RABL6: variants seen among roughly 807,000 people sequenced by gnomAD.
RABL6 encodes rab-like protein 6.
RABL6 carries 28 observed loss-of-function variants against 72.9 expected under a neutral mutation model. The observed-to-expected ratio is 0.38, with a 90% confidence interval of 0.28 to 0.53. The LOEUF (loss-of-function observed/expected upper bound fraction) is 0.53. Among genes scored for constraint, RABL6 ranks in the 20% least tolerant of loss-of-function variants. The pLI is 0.80. For missense variants in RABL6, 1,029 were observed against 1,008.4 expected, an observed-to-expected ratio of 1.02 and a Z score of -0.28; for synonymous variants, 477 against 421.2, an observed-to-expected ratio of 1.13 and a Z score of -1.62.
In RABL6 at chr9:136,840,948, G is replaced by A. The variant is rs527314270; in HGVS notation, c.*426G>A. 122 of 1,460,054 alleles carry A rather than the reference G, an allele frequency of 8.4e-5. No individual in the cohort carries two copies. The highest frequency in any genetic ancestry group is 3.6e-4 in the African/African-American group (25 of 70,130). 90.4% of individuals were successfully genotyped at this position (1,460,054 alleles called of 1,614,324 possible). On this transcript the variant is annotated 3_prime_UTR_variant, in exon 15 of 15. Coordinates refer to ENST00000311502, the MANE Select transcript of RABL6 (RefSeq NM_024718.5). ...GGGGCCGCAGCATGCCTATGGTTCC[G>A]CTTCCGGCCGGGAGCCCTGAACACG... is the stretch of plus-strand genomic sequence containing the variant.
At chr9:136,817,604 C>T (rs1185718709) in intron 1 of RABL6, among the ~76,000 whole-genome samples, 1 of 151,630 alleles carries the variant, frequency 6.6e-6, no homozygotes, top group Non-Finnish European at 1.5e-5. Flanking sequence ...GAGGGGAGGC[C>T]GACGTGGGCT....
chr9:136,836,143 C>G (rs1360129580), intron 8 of RABL6: 5 of 325,878 alleles, frequency 1.5e-5, no homozygotes, highest in South Asian at 1.1e-4. Context: ...GCCTGCCCAT[C>G]AGGGGCTTGG....
At position 136,807,967 on chromosome 9, in the gene RABL6, T is replaced by C; in HGVS notation, c.-230T>C. 2 of 1,002,488 alleles carry C rather than the reference T, an allele frequency of 2.0e-6. No homozygotes were observed. The highest frequency in any genetic ancestry group is 2.4e-6 in the Non-Finnish European group (2 of 843,062). 62.1% of individuals were successfully genotyped at this position (1,002,488 alleles called of 1,614,324 possible). On this transcript the variant is annotated 5_prime_UTR_variant, in exon 1 of 15. Coordinates refer to ENST00000311502, the MANE Select transcript of RABL6 (RefSeq NM_024718.5). ...GCGCCAAGATGGCGGCGCTGACTCC[T>C]GGAGAGCGGTCGCGCCGGAGGCCGC...
chr9:136,816,309 T>C (rs183439378), intron 1 of RABL6, among the ~76,000 whole-genome samples: 2 of 152,186 alleles, frequency 1.3e-5, no homozygotes, highest in Admixed American at 1.3e-4. Flanking sequence ...TTCACCATGT[T>C]GCCCAGGCTG....
At chr9:136,815,063 T>C in intron 1 of RABL6, 1 of 201,882 alleles carries the variant, frequency 5.0e-6, no homozygotes, top group Non-Finnish European at 1.0e-5. Flanking sequence ...TTCCTCAGCA[T>C]CGTCCTCATC....
intron 6 of RABL6, 195 bp downstream of exon 6, chr9:136,832,056 G>C: frequency 1.0e-6 from 1 of 980,354 alleles, no homozygotes; most frequent in Non-Finnish European, 1.5e-6. Context: ...CTGGGGAACT[G>C]TGTGCCAGGG....
At position 136,839,428 on chromosome 9, in the gene RABL6, C is replaced by G; in HGVS notation, c.1700C>G (p.Ser567Cys). Residue 567 changes from serine to cysteine, a missense_variant, in exon 12 of 15, where the codon TCC (serine) becomes TGC (cysteine). Around this residue, in one of 2 missense-constraint regions of RABL6, gnomAD observed 595 missense variants for 472.4 expected, o/e 1.26. Coordinates refer to ENST00000311502, the MANE Select transcript of RABL6 (RefSeq NM_024718.5). Reference sequence around the variant, plus strand: ...GGACCCATTGCTGCACAAATGCTGTCCTTCGTCATGGATGACCCCGACTTT... The same window carrying G: ...GGACCCATTGCTGCACAAATGCTGTGCTTCGTCATGGATGACCCCGACTTT... Reference protein sequence around the residue: ...PEGPIAAQMLSFVMDDPDFES... With the variant: ...PEGPIAAQMLCFVMDDPDFES... 5 of 1,612,574 alleles carry G rather than the reference C, an allele frequency of 3.1e-6. No homozygotes were observed. Among genetic ancestry groups the G allele is most frequent in the Non-Finnish European group, 3.4e-6 (4 of 1,179,728 alleles).
intron 1 of RABL6, chr9:136,808,535 C>CCA: frequency 2.8e-6 from 1 of 352,980 alleles, no homozygotes; most frequent in Non-Finnish European, 4.6e-6. Context: ...CCCCGAGCCG[C>CCA]GGGTCGTTTC....
chr9:136,822,112 C>G, intron 1 of RABL6: 1 of 1,282,740 alleles, frequency 7.8e-7, no homozygotes. Flanking sequence ...GGGTGGGGCA[C>G]AGGGACAGCC....
intron 1 of RABL6, chr9:136,815,015 G>T (rs186413032): frequency 9.6e-5 from 17 of 176,326 alleles, no homozygotes; most frequent in Non-Finnish European, 1.2e-5. Context: ...CTTTCCTTTG[G>T]CTGGTGTTGT....
intron 1 of RABL6, among the ~76,000 whole-genome samples, chr9:136,819,509 T>G (rs1588352782): frequency 6.6e-6 from 1 of 152,124 alleles, no homozygotes; most frequent in Admixed American, 6.6e-5. Flanking sequence ...TTTTTTTTCT[T>G]TAATTTGGCT....
At position 136,812,738 on chromosome 9, in the gene RABL6, G is replaced by A. The variant is rs116360410; in HGVS notation, c.130+4412G>A. On this transcript the variant is annotated intron_variant, in intron 1 of 14. Coordinates refer to ENST00000311502, the MANE Select transcript of RABL6 (RefSeq NM_024718.5). ...CAGGTAACGGAATAAAAACCCCAGCGTCCTTTCTTTCAAATGGGAGAGGGA... is the reference window on the plus strand; with the variant it reads ...CAGGTAACGGAATAAAAACCCCAGCATCCTTTCTTTCAAATGGGAGAGGGA... 7.1e-3 allele frequency: 2,224 copies of A among 311,254 alleles called. 47 individuals are homozygous for A. Among genetic ancestry groups the A allele is most frequent in the African/African-American group, 0.046 (2,072 of 45,266 alleles). The allele number at this position is 311,254 out of a possible 1,614,324, so 19.3% of individuals were successfully genotyped here. A position where few individuals can be genotyped will look rare whatever the true frequency, so the allele number is the denominator to read the frequency against.
At chr9:136,812,501 G>A (rs776571394) in intron 1 of RABL6, among the ~76,000 whole-genome samples, 11 of 152,250 alleles carry the variant, frequency 7.2e-5, no homozygotes, top group South Asian at 2.1e-4. Context: ...AGAGGTTGCC[G>A]TGAGCCAAGA....
At position 136,838,993 on chromosome 9, in the gene RABL6, C is replaced by G. The variant is rs781010467; in HGVS notation, c.1365C>G (p.Pro455=). 6 of 1,611,938 alleles carry G rather than the reference C, an allele frequency of 3.7e-6. No individual in the cohort carries two copies. Among genetic ancestry groups the G allele is most frequent in the Non-Finnish European group, 5.1e-6 (6 of 1,179,620 alleles). Residue 455 remains proline, a synonymous_variant, in exon 11 of 15, where the codon CCC becomes CCG. Transcript: ENST00000311502. ...TCGAAGACCAGCCACGTGGGAGTCCCCCGCTGCCTGCAGGCCCCGTCCCCA... is the reference window on the plus strand; with the variant it reads ...TCGAAGACCAGCCACGTGGGAGTCCGCCGCTGCCTGCAGGCCCCGTCCCCA... ...VDLEDQPRGS[P]PLPAGPVPSQ... is the part of the protein sequence containing the mutation.
At chr9:136,819,593 A>G (rs1848197822) in intron 1 of RABL6, among the ~76,000 whole-genome samples, 1 of 152,206 alleles carries the variant, frequency 6.6e-6, no homozygotes, top group African/African-American at 2.4e-5. Context: ...GAAACAAGAC[A>G]CTAGGTAAAC....
In RABL6 at chr9:136,840,182, G is replaced by A. The variant is rs571278001; in HGVS notation, c.1959G>A (p.Glu653=). ...EGKEGKTPSK[E]KKKKKKKGKE... ...AGGAGGGCAAAACCCCCTCTAAGGA[G>A]AAGAAGAAGAAGAAGAAAAAAGGCA... The change falls in exon 14 of 15, where the codon GAG becomes GAA. Residue 653 remains glutamate (E), a synonymous_variant. Transcript: ENST00000311502. 2 of 1,602,548 alleles carry A rather than the reference G, an allele frequency of 1.2e-6. No homozygotes were observed. Among genetic ancestry groups the A allele is most frequent in the African/African-American group, 2.7e-5 (2 of 74,746 alleles).
chr9:136,825,675 G>T, intron 2 of RABL6, 104 bp from the exon 3 acceptor site: 1 of 1,264,064 alleles, frequency 7.9e-7, no homozygotes, highest in Non-Finnish European at 1.2e-6. Flanking sequence ...GTCCTGGTGG[G>T]AGCCGGTGGC....
chr9:136,833,034 CGCCCTGGGCT>C (rs1370867601), intron 7 of RABL6: 12 of 320,400 alleles, frequency 3.7e-5, no homozygotes, highest in African/African-American at 2.9e-4. Context: ...TGAACCTCCT[CGCCCTGGGCT>C]GCCCCAGCTG....
chr9:136,839,890 T>G (rs1429581103), intron 13 of RABL6, 25 bp downstream of exon 13: 1 of 1,603,234 alleles, frequency 6.2e-7, no homozygotes, highest in South Asian at 1.1e-5. Flanking sequence ...CAGAGTGCGG[T>G]CAGCCTGCTG....
Sources: gnomAD v4.1 joint callset for allele counts (sites outside exome capture counted in the v4.1 genomes callset) on GRCh38, gnomAD v4.1.1 for gene constraint, gnomAD v4.1.1 regional missense constraint, MANE v1.5 for transcripts, NCBI Gene and HGNC (gene_info 2026-07-23, HGNC 2026-07-21) for gene names.